Variants in LRCH2 observed in about 807,000 individuals in gnomAD.
The protein encoded by LRCH2 is leucine-rich repeat and calponin homology domain-containing protein 2.
Under a neutral mutation model 68.9 loss-of-function variants are expected in LRCH2, and 38 were observed. The observed-to-expected ratio is 0.55, with a 90% confidence interval of 0.43 to 0.72. The LOEUF (loss-of-function observed/expected upper bound fraction) is 0.72. LRCH2 is among the 30% of genes least tolerant of loss of function. LRCH2 has a pLI of 0.00. For synonymous variants in LRCH2, 191 were observed against 208.1 expected (o/e 0.92, Z 0.71); for missense variants, 528 against 572.9 (o/e 0.92, Z 0.80).
chrX:115,233,677 C>T lies in LRCH2; in HGVS notation c.349+16G>A. 2.7e-6 allele frequency: 3 copies of T among 1,126,809 alleles called. No individual in the cohort carries two copies. Among genetic ancestry groups the T allele is most frequent in the Non-Finnish European group, 3.5e-6 (3 of 849,810 alleles). The allele number at this position is 1,126,809 out of a possible 1,213,427, so 92.9% of individuals were successfully genotyped here. On this transcript the variant is annotated intron_variant, in intron 1 of 20. Coordinates refer to ENST00000317135, the MANE Select transcript of LRCH2 (RefSeq NM_020871.4). ...TCCTCCTTCACAGCCAGCTTCCCCT[C>T]CCCCCGTCCTGTCACCTGCTTGGGT...
intron 1 of LRCH2, among the ~76,000 whole-genome samples, chrX:115,228,196 A>G (rs1023637518): frequency 1.5e-4 from 17 of 111,871 alleles, no homozygotes; most frequent in African/African-American, 5.2e-4. Flanking sequence ...ATTGGCTTAT[A>G]CAGTTTTCTT....
chrX:115,205,299 C>T (rs2072957816), intron 1 of LRCH2, among the ~76,000 whole-genome samples: 1 of 111,912 alleles, frequency 8.9e-6, no homozygotes, highest in Non-Finnish European at 1.9e-5. Flanking sequence ...TAAACCATAT[C>T]AAAGAGTGAT....
intron 1 of LRCH2, among the ~76,000 whole-genome samples, chrX:115,207,287 C>T (rs2072975292): frequency 9.0e-6 from 1 of 111,229 alleles, no homozygotes; most frequent in African/African-American, 3.3e-5. Context: ...GCCTGTAATC[C>T]CAACACTTTG....
In LRCH2 at chrX:115,122,571, C is replaced by T. The variant is rs2072152837; in HGVS notation, c.2134G>A (p.Val712Ile). ...TTACAAGCATCAAGAAAATTTTCTA[C>T]ATTTCTTCGACATTTTGCCATGCTC... ...KLSMAKCRRN[V>I]ENFLDACKKL... The change falls in exon 20 of 21, where the codon GTA becomes ATA. Residue 712 changes from valine (V) to isoleucine (I), a missense_variant. By Grantham distance (29) the Val-to-Ile change is conservative. Coordinates refer to ENST00000317135, the MANE Select transcript of LRCH2 (RefSeq NM_020871.4). 8.3e-7 allele frequency: 1 copy of T among 1,210,393 alleles called. No homozygotes were observed.
chrX:115,223,900 T>C (rs1393679450), intron 1 of LRCH2, among the ~76,000 whole-genome samples: 1 of 106,805 alleles, frequency 9.4e-6, no homozygotes, highest in Non-Finnish European at 1.9e-5. Context: ...CACTCCAGCC[T>C]GGGCGACAAG....
intron 20 of LRCH2, among the ~76,000 whole-genome samples, chrX:115,122,204 CAA>C (rs1293459152): frequency 4.5e-4 from 22 of 49,052 alleles, no homozygotes; most frequent in Non-Finnish European, 5.6e-4. Flanking sequence ...TGTTCTCTAG[CAA>C]AAAAAAAAAA....
chrX:115,162,730 A>G (rs1464892360), intron 11 of LRCH2, among the ~76,000 whole-genome samples: 1 of 111,923 alleles, frequency 8.9e-6, no homozygotes, highest in African/African-American at 3.2e-5. Flanking sequence ...TTTTCAATGT[A>G]CATTTAAACA....
chrX:115,133,109 A>G (rs1168260934), intron 14 of LRCH2, among the ~76,000 whole-genome samples: 4 of 112,140 alleles, frequency 3.6e-5, no homozygotes, highest in African/African-American at 1.3e-4. Flanking sequence ...ATAATGAGGT[A>G]TACATCATGA....
chrX:115,140,731 T>C (rs1386749727), intron 14 of LRCH2, among the ~76,000 whole-genome samples: 1 of 111,369 alleles, frequency 9.0e-6, no homozygotes, highest in Non-Finnish European at 1.9e-5. Flanking sequence ...GTGGTGGTGG[T>C]GGCCACTGAG....
chrX:115,145,637 T>C (rs1407135742), intron 14 of LRCH2, among the ~76,000 whole-genome samples: 8 of 111,779 alleles, frequency 7.2e-5, no homozygotes, highest in Admixed American at 2.9e-4. Context: ...AAGATGTGAA[T>C]AGACATTTCT....
At chrX:115,181,084 T>C (rs1247455715) in intron 3 of LRCH2, among the ~76,000 whole-genome samples, 1 of 111,321 alleles carries the variant, frequency 9.0e-6, no homozygotes, top group Non-Finnish European at 1.9e-5. Context: ...ACCATACTAA[T>C]ATATAAGAAA....
chrX:115,165,854 A>G lies in LRCH2; in HGVS notation c.1185T>C (p.Thr395=). The part of the protein sequence containing the change: ...RNDSHIIGSK[T]DSQKDQEVYD... ...CATATGAATTACCTTTCTGAGAATC[A>G]GTCTTACTTCCTATTATGTGACTGT... The change falls in exon 8 of 21, where the codon ACT becomes ACC. Residue 395 remains threonine (T), a synonymous_variant. Transcript: ENST00000317135. 1 of 1,149,743 alleles carries G rather than the reference A, an allele frequency of 8.7e-7. No homozygotes were observed. Among genetic ancestry groups the G allele is most frequent in the Non-Finnish European group, 1.2e-6 (1 of 859,270 alleles). 94.8% of individuals were successfully genotyped at this position (1,149,743 alleles called of 1,213,427 possible).
intron 12 of LRCH2, among the ~76,000 whole-genome samples, chrX:115,154,266 A>G (rs1458394135): frequency 8.9e-6 from 1 of 112,085 alleles, no homozygotes; most frequent in Non-Finnish European, 1.9e-5. Flanking sequence ...AGGAAAAATT[A>G]TAGAACTGCA....
At position 115,191,314 on chromosome X, in the gene LRCH2, G is replaced by A. The variant is rs782496034; in HGVS notation, c.350-2944C>T. ...CAGTTCCAGCTGGAGCCACCGCTAC[G>A]GAGGAGGAGGCCGCTACGAGGAGTA... On this transcript the variant is annotated intron_variant, in intron 1 of 20. Transcript: ENST00000317135. 3.6e-5 allele frequency: 42 copies of A among 1,155,465 alleles called. No individual in the cohort carries two copies. The East Asian group carries it at 5.3e-4, about 15-fold the overall frequency.
intron 1 of LRCH2, among the ~76,000 whole-genome samples, chrX:115,205,090 A>C (rs1319469130): frequency 9.0e-6 from 1 of 111,657 alleles, no homozygotes; most frequent in Non-Finnish European, 1.9e-5. Context: ...GGTGAAGAAG[A>C]AGCAAGCACC....
At chrX:115,228,231 C>T (rs2073131608) in intron 1 of LRCH2, among the ~76,000 whole-genome samples, 1 of 111,483 alleles carries the variant, frequency 9.0e-6, no homozygotes, top group South Asian at 3.7e-4. Flanking sequence ...GGTTCCCTGG[C>T]GTGTAAGGTA....
chrX:115,205,014 A>C (rs2072955600), intron 1 of LRCH2, among the ~76,000 whole-genome samples: 1 of 111,856 alleles, frequency 8.9e-6, no homozygotes, highest in Non-Finnish European at 1.9e-5. Flanking sequence ...TTATAAAGAA[A>C]AGAGGTTTAA....
intron 12 of LRCH2, among the ~76,000 whole-genome samples, chrX:115,153,596 C>G (rs1439908396): frequency 9.1e-6 from 1 of 110,370 alleles, no homozygotes; most frequent in Non-Finnish European, 1.9e-5. Flanking sequence ...GTACACATAA[C>G]AGATACATAA....
intron 20 of LRCH2, among the ~76,000 whole-genome samples, chrX:115,114,052 C>T (rs1556523412): frequency 9.0e-6 from 1 of 111,117 alleles, no homozygotes; most frequent in African/African-American, 3.3e-5. Context: ...TATTGATCTC[C>T]AAATACAATA....
Sources: allele counts gnomAD v4.1 joint callset (sites outside exome capture counted in the v4.1 genomes callset), GRCh38; gene constraint gnomAD v4.1.1; transcripts MANE v1.5; gene names NCBI Gene and HGNC (gene_info 2026-07-23, HGNC 2026-07-21).